The following USP31 variants were observed in gnomAD, a reference collection of about 807,000 sequenced individuals.
USP31 encodes ubiquitin carboxyl-terminal hydrolase 31.
USP31 carries 44 observed loss-of-function variants against 119.4 expected under a neutral mutation model. That is an observed-to-expected ratio of 0.37 (90% CI 0.29 to 0.47). The LOEUF (loss-of-function observed/expected upper bound fraction) is 0.47. USP31 is among the 20% of genes least tolerant of loss of function. The probability of loss-of-function intolerance (pLI) is 0.99; values close to 1 mark genes in which losing one functional copy is unlikely to be tolerated. For missense variants in USP31, 1,643 were observed against 1,730.2 expected, an observed-to-expected ratio of 0.95 and a Z score of 0.89; for synonymous variants, 749 against 705.6, an observed-to-expected ratio of 1.06 and a Z score of -0.97.
intron 13 of USP31, 156 bp downstream of exon 13, chr16:23,079,789 GC>G: frequency 1.6e-6 from 1 of 629,496 alleles, no homozygotes; most frequent in Non-Finnish European, 2.5e-6. Flanking sequence ...TCGTTTATTT[GC>G]TCTTGGGCAG....
rs550543838 is a variant in USP31 at position 23,064,393 on chromosome 16, T to C, written c.*3653A>G. The C allele has an allele frequency of 4.6e-5, 7 of 152,328 alleles. No homozygotes were observed. Among genetic ancestry groups the C allele is most frequent in the Non-Finnish European group, 8.8e-5 (6 of 68,040 alleles). The allele number at this position is 152,328 out of a possible 1,614,324, so 9.4% of individuals were successfully genotyped here. On this transcript the variant is annotated 3_prime_UTR_variant, in exon 16 of 16. Transcript: ENST00000219689. ...GGCTGCCACTCTTGGTCCCTTTACA[T>C]ACTGTTGCTATTTTTTTCATGATAG...
At chr16:23,074,057 A>G (rs991732878) in intron 13 of USP31, 177 bp from the exon 14 acceptor site, 15 of 730,704 alleles carry the variant, frequency 2.1e-5, no homozygotes, top group African/African-American at 1.9e-4. Flanking sequence ...CTCGAGCAAA[A>G]TATCTTGAGA....
chr16:23,083,111 T>C (rs927790609), intron 11 of USP31, among the ~76,000 whole-genome samples: 11 of 152,166 alleles, frequency 7.2e-5, no homozygotes, highest in African/African-American at 2.7e-4. Context: ...ATTACAAGCG[T>C]GAGCCACTGC....
At chr16:23,102,272 T>C in intron 6 of USP31, 47 bp downstream of exon 6, 2 of 1,579,254 alleles carry the variant, frequency 1.3e-6, no homozygotes, top group Non-Finnish European at 8.6e-7. Context: ...AGACTATAGT[T>C]AAACCTGCAA....
intron 1 of USP31, among the ~76,000 whole-genome samples, chr16:23,112,421 C>G (rs192853350): frequency 3.6e-4 from 54 of 151,526 alleles, no homozygotes; most frequent in African/African-American, 7.3e-4. Context: ...TCCACTAACA[C>G]AAAATTAGTC....
In USP31 at chr16:23,085,655, T is replaced by C; in HGVS notation, c.1630A>G (p.Lys544Glu). ...LCHPIVERAL[K>E]SCGPGGTAHV... The stretch of plus-strand genomic sequence containing the variant: ...GCAGTGCCACCTGGTCCACAAGATT[T>C]TAATGCCCTATAGAACCAGGGAAGT... Residue 544 changes from lysine (K) to glutamate (E), a missense_variant, in exon 10 of 16, where the codon AAA becomes GAA. Physicochemically the swap from Lys to Glu is moderately conservative, Grantham distance 56. Transcript: ENST00000219689. 4 of 1,613,858 alleles carry C rather than the reference T, an allele frequency of 2.5e-6. No homozygotes were observed. Among genetic ancestry groups the C allele is most frequent in the Non-Finnish European group, 3.4e-6 (4 of 1,179,820 alleles).
chr16:23,100,709 C>G (rs989704287), intron 6 of USP31, among the ~76,000 whole-genome samples: 2 of 152,048 alleles, frequency 1.3e-5, no homozygotes, highest in African/African-American at 4.8e-5. Context: ...CCACTGCACT[C>G]CAGCCTGAGC....
chr16:23,082,356 G>A, intron 12 of USP31, 82 bp downstream of exon 12: 1 of 1,564,192 alleles, frequency 6.4e-7, no homozygotes, highest in Non-Finnish European at 8.7e-7. Context: ...GTATACCAAA[G>A]AACCCTCACA....
chr16:23,093,243 G>C (rs1901448956), intron 6 of USP31, among the ~76,000 whole-genome samples: 1 of 152,068 alleles, frequency 6.6e-6, no homozygotes, highest in East Asian at 1.9e-4. Flanking sequence ...AAAACCCAGA[G>C]AATGGAATAA....
chr16:23,106,864 A>G (rs183689664), intron 2 of USP31, among the ~76,000 whole-genome samples: 1 of 152,074 alleles, frequency 6.6e-6, no homozygotes, highest in Non-Finnish European at 1.5e-5. Flanking sequence ...TGTAATCCCA[A>G]CACTTTGAGA....
chr16:23,125,133 T>C (rs1328148916), intron 1 of USP31, among the ~76,000 whole-genome samples: 3 of 152,150 alleles, frequency 2.0e-5, no homozygotes, highest in African/African-American at 4.8e-5. Context: ...TGGTTGTTCT[T>C]GCTAAAATGT....
intron 13 of USP31, among the ~76,000 whole-genome samples, chr16:23,075,757 T>A (rs1404378742): frequency 6.6e-6 from 1 of 152,212 alleles, no homozygotes; most frequent in Non-Finnish European, 1.5e-5. Context: ...CCATCGATTA[T>A]AGCTAGAAAC....
At chr16:23,105,768 G>C (rs755011481) in intron 4 of USP31, among the ~76,000 whole-genome samples, 192 bp from the exon 5 acceptor site, 1 of 152,124 alleles carries the variant, frequency 6.6e-6, no homozygotes, top group Non-Finnish European at 1.5e-5. Flanking sequence ...CTTTGGAAAA[G>C]GCAATCTTCA....
rs1899938417 is a variant in USP31 at position 23,063,558 on chromosome 16, T to C, written c.*4488A>G. On this transcript the variant is annotated 3_prime_UTR_variant, in exon 16 of 16. Transcript: ENST00000219689. ...GTACACCAATGATGTGTGTTCAACA[T>C]ATCCAATTCCACTTCTGCTTGCAAA... 1 of 152,568 alleles carries C rather than the reference T, an allele frequency of 6.6e-6. No homozygotes were observed. The highest frequency in any genetic ancestry group is 1.5e-5 in the Non-Finnish European group (1 of 68,034). 9.5% of individuals were successfully genotyped at this position (152,568 alleles called of 1,614,324 possible).
Position 23,149,136 on chromosome 16 carries a change from C to A in USP31, c.135G>T (p.Gly45=), listed in dbSNP as rs751549806. ...GGGAGGPGAS[G]PAAPSSPSSP... ...AGGAGGGCGAGGAAGGCGCGGCCGG[C>A]CCGGACGCCCCGGGGCCCCCCGCGC... Residue 45 remains glycine, a synonymous_variant, in exon 1 of 16, where the codon GGG becomes GGT. Transcript: ENST00000219689. The A allele has an allele frequency of 1.9e-5, 23 of 1,241,494 alleles. No individual in the cohort carries two copies. Among genetic ancestry groups the A allele is most frequent in the Non-Finnish European group, 2.2e-5 (21 of 971,390 alleles). The allele number at this position is 1,241,494 out of a possible 1,614,324, so 76.9% of individuals were successfully genotyped here. A position where few individuals can be genotyped will look rare whatever the true frequency, so the allele number is the denominator to read the frequency against.
chr16:23,072,296 G>A, intron 14 of USP31, 99 bp from the exon 15 acceptor site: 1 of 1,501,744 alleles, frequency 6.7e-7, no homozygotes. Context: ...TGAGCTGGGG[G>A]GCGTTGATGT....
chr16:23,083,657 T>TCCAAAG (rs201895845), intron 11 of USP31, among the ~76,000 whole-genome samples: 2,110 of 102,316 alleles, frequency 0.021, 113 homozygotes, highest in African/African-American at 0.082. Context: ...GTCAACCAAT[T>TCCAAAG]CCAAAGCCAA....
chr16:23,088,285 A>G (rs1447938268), intron 7 of USP31, among the ~76,000 whole-genome samples: 1 of 152,230 alleles, frequency 6.6e-6, no homozygotes, highest in Non-Finnish European at 1.5e-5. Flanking sequence ...AGTGAAAGTC[A>G]GCTCCAGAGC....
At chr16:23,070,808 C>T (rs1487037062) in intron 15 of USP31, among the ~76,000 whole-genome samples, 2 of 151,992 alleles carry the variant, frequency 1.3e-5, no homozygotes, top group African/African-American at 4.8e-5. Flanking sequence ...ATTTTCTACA[C>T]AATGATACTA....
Sources: allele counts gnomAD v4.1 joint callset (sites outside exome capture counted in the v4.1 genomes callset), GRCh38; gene constraint gnomAD v4.1.1; transcripts MANE v1.5; gene names NCBI Gene and HGNC (gene_info 2026-07-23, HGNC 2026-07-21).